Variants in SORT1 observed in about 807,000 individuals in gnomAD.
SORT1 encodes the protein sortilin.
A neutral mutation model predicts 101.7 loss-of-function variants in SORT1; 39 were observed. The observed-to-expected ratio is 0.38, with a 90% CI of 0.30 to 0.50. The LOEUF is 0.50. Among genes scored for constraint, SORT1 ranks in the 20% least tolerant of loss-of-function variants. SORT1 has a pLI of 0.90. For synonymous variants in SORT1, 396 were observed against 393.7 expected (o/e 1.01, Z -0.07); for missense variants, 878 against 1,040.4 (o/e 0.84, Z 2.15).
chr1:109,356,949 T>G lies in SORT1; in HGVS notation c.441-1480A>C, dbSNP rs12034111. 3.0e-4 allele frequency among the ~76,000 whole-genome samples: 45 copies of G among 152,362 alleles called. 1 individual carries two copies. In the East Asian group the frequency reaches 8.5e-3, roughly 29 times the overall value. Reference sequence around the variant, plus strand: ...TGAAGACTGCTGTGCACTGCAAATTTCTGCACACAGATAAATGTAATCTGC... The same window carrying G: ...TGAAGACTGCTGTGCACTGCAAATTGCTGCACACAGATAAATGTAATCTGC... On this transcript the variant is annotated intron_variant, in intron 3 of 19. Transcript: ENST00000256637.
Position 109,322,973 on chromosome 1 carries a change from C to G in SORT1, c.1983G>C (p.Lys661Asn). 2 of 1,614,128 alleles carry G rather than the reference C, an allele frequency of 1.2e-6. No homozygotes were observed. Among genetic ancestry groups the G allele is most frequent in the Non-Finnish European group, 1.7e-6 (2 of 1,180,012 alleles). Residue 661 changes from lysine (K) to asparagine (N), a missense_variant, in exon 15 of 20, where the codon AAG (lysine) becomes AAC (asparagine). Lys to Asn is a moderately conservative substitution (Grantham distance 94). Coordinates refer to ENST00000256637, the MANE Select transcript of SORT1 (RefSeq NM_002959.7). ...GGGAACAGAGGCAGATGGAGGGCTG[C>G]TTGGTCACAACATAGTCTCGACCAT... ...CQNGRDYVVTKQPSICLCSLE... is the reference protein window; with the variant it reads ...CQNGRDYVVTNQPSICLCSLE...
Position 109,397,579 on chromosome 1 carries a change from C to T in SORT1, c.306+8G>A, listed in dbSNP as rs1405164784. On this transcript the variant is annotated splice_region_variant and intron_variant, in intron 1 of 19. Transcript: ENST00000256637. Reference sequence around the variant, plus strand: ...CCCGAGCGGCTCCCGGGCCCGGCGCCCGCTCACCTGGTGCGTGTTGTTGGC... The same window carrying T: ...CCCGAGCGGCTCCCGGGCCCGGCGCTCGCTCACCTGGTGCGTGTTGTTGGC... The T allele has an allele frequency of 8.3e-7, 1 of 1,209,940 alleles. No homozygotes were observed. Among genetic ancestry groups the T allele is most frequent in the African/African-American group, 1.6e-5 (1 of 61,344 alleles). The allele number at this position is 1,209,940 out of a possible 1,614,324, so 75.0% of individuals were successfully genotyped here.
chr1:109,389,448 T>C (rs189100821), intron 1 of SORT1, among the ~76,000 whole-genome samples: 76 of 152,232 alleles, frequency 5.0e-4, no homozygotes, highest in Non-Finnish European at 8.4e-4. Context: ...ATGAAACACT[T>C]CCAAATGCAG....
At chr1:109,354,826 T>C (rs1650202288) in intron 4 of SORT1, among the ~76,000 whole-genome samples, 2 of 152,216 alleles carry the variant, frequency 1.3e-5, no homozygotes, top group African/African-American at 2.4e-5. Context: ...ATTGTAATGT[T>C]AAGCAACTGC....
chr1:109,347,507 T>A lies in SORT1; in HGVS notation c.808A>T (p.Thr270Ser), dbSNP rs777129727. Reference protein sequence around the residue: ...KWGSDNTIFFTTYANGSCKAD... With the variant: ...KWGSDNTIFFSTYANGSCKAD... ...CTGCAGGAGCCATTTGCATAGGTTG[T>A]AAAGAAGATGGTGTTGTCTGATCCC... Residue 270 changes from threonine (T) to serine (S), a missense_variant, in exon 7 of 20, where the codon ACA (threonine) becomes TCA (serine). Thr to Ser is a moderately conservative substitution (Grantham distance 58, BLOSUM62 1). Transcript: ENST00000256637. The A allele has an allele frequency of 3.7e-6, 6 of 1,611,236 alleles. No individual in the cohort carries two copies. The highest frequency in any genetic ancestry group is 4.2e-6 in the Non-Finnish European group (5 of 1,177,428).
chr1:109,374,574 A>G (rs761079818), intron 1 of SORT1, among the ~76,000 whole-genome samples: 16 of 151,816 alleles, frequency 1.1e-4, no homozygotes, highest in Non-Finnish European at 1.9e-4. Flanking sequence ...TTGGGTGACA[A>G]GAAAACACCG....
Position 109,309,843 on chromosome 1 carries a change from G to T in SORT1, c.*4200C>A, listed in dbSNP as rs565538805. ...GGGTTTTTAGGGCACATGCAGTAAT[G>T]ATCTTAATACTGCTTTACACTTTCG... is the stretch of plus-strand genomic sequence containing the variant. On this transcript the variant is annotated 3_prime_UTR_variant, in exon 20 of 20. Coordinates refer to ENST00000256637, the MANE Select transcript of SORT1 (RefSeq NM_002959.7). 3 of 152,618 alleles carry T rather than the reference G, an allele frequency of 2.0e-5. No homozygotes were observed. The highest frequency in any genetic ancestry group is 4.1e-4 in the South Asian group (2 of 4,826). The allele number at this position is 152,618 out of a possible 1,614,324, so 9.5% of individuals were successfully genotyped here.
Position 109,367,491 on chromosome 1 carries a change from G to GAA in SORT1, c.367-12_367-11dup, listed in dbSNP as rs1247553512. ...TCAAGACTAGAATGACCTGGAGAGA[G>GAA]AAAAAAGCATTCCGTAAATAAAAAA... On this transcript the variant is annotated splice_polypyrimidine_tract_variant and intron_variant, in intron 2 of 19. Transcript: ENST00000256637. The GAA allele has an allele frequency of 6.5e-7, 1 of 1,545,910 alleles. No individual in the cohort carries two copies. The highest frequency in any genetic ancestry group is 1.7e-5 in the Admixed American group (1 of 57,940).
Position 109,311,950 on chromosome 1 carries a change from G to T in SORT1, c.*2093C>A, listed in dbSNP as rs1658754473. ...CCCAAGAACATTGTGAGGTTCAAAT[G>T]ACATTATGTGAGTGAAGGTGCTCTG... On this transcript the variant is annotated 3_prime_UTR_variant, in exon 20 of 20. Coordinates refer to ENST00000256637, the MANE Select transcript of SORT1 (RefSeq NM_002959.7). 6.6e-6 allele frequency: 1 copy of T among 152,466 alleles called. No individual in the cohort carries two copies. Among genetic ancestry groups the T allele is most frequent in the Non-Finnish European group, 1.5e-5 (1 of 68,028 alleles). The allele number at this position is 152,466 out of a possible 1,614,324, so 9.4% of individuals were successfully genotyped here. A position where few individuals can be genotyped will look rare whatever the true frequency, so the allele number is the denominator to read the frequency against.
intron 11 of SORT1, among the ~76,000 whole-genome samples, chr1:109,335,726 C>T (rs1355229732): frequency 2.0e-5 from 3 of 152,070 alleles, no homozygotes; most frequent in Admixed American, 6.5e-5. Context: ...GTGACACCTG[C>T]GTAGTTCCGG....
At chr1:109,359,414 C>T (rs1261807323) in intron 3 of SORT1, among the ~76,000 whole-genome samples, 1 of 152,144 alleles carries the variant, frequency 6.6e-6, no homozygotes, top group Non-Finnish European at 1.5e-5. Flanking sequence ...CCCCACCCTG[C>T]CCCTCCACTC....
intron 8 of SORT1, among the ~76,000 whole-genome samples, chr1:109,343,700 G>A (rs963644388): frequency 1.3e-5 from 2 of 152,086 alleles, no homozygotes; most frequent in African/African-American, 2.4e-5. Context: ...CCAGGCTGGA[G>A]TGCAGTGGCA....
In SORT1 at chr1:109,316,853, T is replaced by C. The variant is rs759604468; in HGVS notation, c.2247A>G (p.Lys749=). Residue 749 remains lysine, a synonymous_variant, in exon 17 of 20, where the codon AAA becomes AAG. Transcript: ENST00000256637. ...KCTSNFLSPE[K]QNSKSNSVPI... is the part of the protein sequence containing the mutation. ...AACTAGACCTATTTTAACATACCTG[T>C]TTTTCCGGACTCAAAAAGTTGCTTG... is the stretch of plus-strand genomic sequence containing the variant. 1.3e-6 allele frequency: 2 copies of C among 1,597,068 alleles called. No individual in the cohort carries two copies. Among genetic ancestry groups the C allele is most frequent in the Non-Finnish European group, 1.7e-6 (2 of 1,167,664 alleles).
At chr1:109,339,849 A>G (rs1048250197) in intron 10 of SORT1, among the ~76,000 whole-genome samples, 1 of 152,188 alleles carries the variant, frequency 6.6e-6, no homozygotes, top group Admixed American at 6.5e-5. Context: ...GTGTCCATCA[A>G]TGGAGGAATA....
intron 11 of SORT1, among the ~76,000 whole-genome samples, chr1:109,330,495 G>C (rs1648390596): frequency 6.6e-6 from 1 of 152,132 alleles, no homozygotes; most frequent in African/African-American, 2.4e-5. Flanking sequence ...GTTCTAAGAA[G>C]AAAGTTTATG....
At chr1:109,319,907 A>G (rs1175142670) in intron 15 of SORT1, among the ~76,000 whole-genome samples, 1 of 151,474 alleles carries the variant, frequency 6.6e-6, no homozygotes, top group Non-Finnish European at 1.5e-5. Context: ...GAGTGTCTGC[A>G]GTGCCCCTAA....
intron 1 of SORT1, among the ~76,000 whole-genome samples, chr1:109,396,081 C>G (rs1421621880): frequency 2.0e-5 from 3 of 151,322 alleles, no homozygotes; most frequent in Non-Finnish European, 2.9e-5. Context: ...GAGACCCTAT[C>G]TCAAAAAAAA....
chr1:109,310,239 G>A lies in SORT1; in HGVS notation c.*3804C>T, dbSNP rs914534515. The A allele has an allele frequency of 3.3e-5, 5 of 152,740 alleles. No homozygotes were observed. The highest frequency in any genetic ancestry group is 3.3e-4 in the Admixed American group (5 of 15,282). 9.5% of individuals were successfully genotyped at this position (152,740 alleles called of 1,614,324 possible). A position where few individuals can be genotyped will look rare whatever the true frequency, so the allele number is the denominator to read the frequency against. ...CTTATAAACAAGTACACTTAAGAAT[G>A]TACTGGTGTGAAGAAATGCATACTG... On this transcript the variant is annotated 3_prime_UTR_variant, in exon 20 of 20. Transcript: ENST00000256637.
intron 11 of SORT1, among the ~76,000 whole-genome samples, chr1:109,329,465 G>C (rs1043324029): frequency 2.6e-5 from 4 of 152,184 alleles, no homozygotes; most frequent in Non-Finnish European, 2.9e-5. Context: ...ATGTTAGTGA[G>C]GACGGTCTTG....
Sources: gnomAD v4.1 joint callset for allele counts (sites outside exome capture counted in the v4.1 genomes callset) on GRCh38, gnomAD v4.1.1 for gene constraint, MANE v1.5 for transcripts, NCBI Gene and HGNC (gene_info 2026-07-23, HGNC 2026-07-21) for gene names.